ZNF589: variants seen among roughly 807,000 people sequenced by gnomAD.
ZNF589 encodes the protein KRAB-zinc finger protein SZF1-1.
Under a neutral mutation model 13.6 loss-of-function variants are expected in ZNF589, and 17 were observed. The observed-to-expected ratio is 1.25, with a 90% CI of 0.86 to 1.88. The LOEUF is 1.88. ZNF589 is among the 40% of genes most tolerant of loss of function. The pLI is 0.00. For missense variants in ZNF589, 407 were observed against 434.0 expected, an observed-to-expected ratio of 0.94 and a Z score of 0.55; for synonymous variants, 148 against 161.6, an observed-to-expected ratio of 0.92 and a Z score of 0.64.
At chr3:48,243,585 G>GT (rs1022872547) in intron 1 of ZNF589, among the ~76,000 whole-genome samples, 1 of 151,756 alleles carries the variant, frequency 6.6e-6, no homozygotes, top group Non-Finnish European at 1.5e-5. Context: ...GCTGAGGCGG[G>GT]TAGATCACCT....
chr3:48,252,591 T>C (rs2033850927), intron 2 of ZNF589, among the ~76,000 whole-genome samples: 1 of 151,926 alleles, frequency 6.6e-6, no homozygotes, highest in South Asian at 2.1e-4. Flanking sequence ...TTTGAATTTT[T>C]ATATTAGTTT....
rs764544661 is a variant in ZNF589, at chr3:48,268,103, AG to A, written c.418del (p.Ala140LeufsTer25). On this transcript the variant is annotated frameshift_variant, in exon 4 of 4. Transcript: ENST00000354698. LOFTEE classifies it low-confidence loss of function (END_TRUNC). Reference sequence around the variant, plus strand: ...ACAACATCCTTCTGATAAAAATCACAGGGGGGCTGAAGCAGAAGATCAACGA... The same window carrying A: ...ACAACATCCTTCTGATAAAAATCACAGGGGGCTGAAGCAGAAGATCAACGA... ...QSQHPSDKNH[R>X]GAEAEDQRVE... The A allele has an allele frequency of 1.2e-6, 2 of 1,614,064 alleles. No homozygotes were observed. The highest frequency in any genetic ancestry group is 1.7e-6 in the Non-Finnish European group (2 of 1,180,046).
Position 48,268,186 on chromosome 3 carries a change from G to A in ZNF589, c.495G>A (p.Val165=), listed in dbSNP as rs1256458920. The A allele has an allele frequency of 4.3e-6, 7 of 1,611,544 alleles. No individual in the cohort carries two copies. The highest frequency in any genetic ancestry group is 1.6e-4 in the Middle Eastern group (1 of 6,072). The part of the protein sequence containing the change: ...FWSTNERGAL[V]GFSSLFQRPP... ...GTACAAATGAAAGGGGGGCTTTAGT[G>A]GGTTTCTCTAGCCTGTTCCAGAGAC... is the stretch of plus-strand genomic sequence containing the variant. The change falls in exon 4 of 4, where the codon GTG becomes GTA. Residue 165 remains valine (V), a synonymous_variant. Coordinates refer to ENST00000354698, the MANE Select transcript of ZNF589 (RefSeq NM_016089.3).
Position 48,269,977 on chromosome 3 carries a change from C to G in ZNF589, c.*1191C>G, listed in dbSNP as rs539858328. On this transcript the variant is annotated 3_prime_UTR_variant, in exon 4 of 4. Transcript: ENST00000354698. ...GAGCTTTGGGGACAGTCTTTTGACC[C>G]CTTACATTCCTTTAGATGTGAAGAT... 8.8e-6 allele frequency: 4 copies of G among 454,880 alleles called. No individual in the cohort carries two copies. Among genetic ancestry groups the G allele is most frequent in the African/African-American group, 4.0e-5 (2 of 50,076 alleles). 28.2% of individuals were successfully genotyped at this position (454,880 alleles called of 1,614,324 possible).
intron 1 of ZNF589, among the ~76,000 whole-genome samples, chr3:48,243,611 A>G (rs2033727515): frequency 6.6e-6 from 1 of 152,070 alleles, no homozygotes. Context: ...CAGGAGTTCG[A>G]GACCAGCCTG....
In ZNF589 at chr3:48,265,710, C is replaced by T. The variant is rs1470194571; in HGVS notation, c.224-2205C>T. Among the ~76,000 whole-genome samples the T allele has an allele frequency of 9.2e-5, 14 of 152,250 alleles. No homozygotes were observed. In the East Asian group the frequency reaches 2.1e-3, roughly 23 times the overall value. On this transcript the variant is annotated intron_variant, in intron 3 of 3. Coordinates refer to ENST00000354698, the MANE Select transcript of ZNF589 (RefSeq NM_016089.3). ...CCTTCCTACTATTTAGTAGTTCTCC[C>T]TGTGAACTATTCACTAAAGTTTCTT...
At chr3:48,255,023 G>A (rs2033882345) in intron 2 of ZNF589, among the ~76,000 whole-genome samples, 1 of 151,968 alleles carries the variant, frequency 6.6e-6, no homozygotes, top group Admixed American at 6.5e-5. Context: ...GAACAGGAGT[G>A]GTGAGAGAAG....
Position 48,268,940 on chromosome 3 carries a change from G to C in ZNF589, c.*154G>C. 1 of 1,113,562 alleles carries C rather than the reference G, an allele frequency of 9.0e-7. No individual in the cohort carries two copies. 69.0% of individuals were successfully genotyped at this position (1,113,562 alleles called of 1,614,324 possible). A position where few individuals can be genotyped will look rare whatever the true frequency, so the allele number is the denominator to read the frequency against. ...GACACATTCAGAGGTGAAACCTCAC[G>C]TGTGTGAGGAGTGTGGGCATGGATT... On this transcript the variant is annotated 3_prime_UTR_variant, in exon 4 of 4. Transcript: ENST00000354698.
chr3:48,267,727 G>A (rs889100487), intron 3 of ZNF589, among the ~76,000 whole-genome samples, 188 bp from the exon 4 acceptor site: 2 of 152,154 alleles, frequency 1.3e-5, no homozygotes, highest in African/African-American at 4.8e-5. Flanking sequence ...CAACTTTTCT[G>A]TATATTTGAA....
rs978200254 is a variant in ZNF589 at position 48,270,059 on chromosome 3, T to C, written c.*1273T>C. On this transcript the variant is annotated 3_prime_UTR_variant, in exon 4 of 4. Transcript: ENST00000354698. Reference sequence around the variant, plus strand: ...TCAAGTGACGGTCCCCTTGGAGGAATGGTCTTTGCATCTGACTACTTCCTT... The same window carrying C: ...TCAAGTGACGGTCCCCTTGGAGGAACGGTCTTTGCATCTGACTACTTCCTT... 2.2e-6 allele frequency: 1 copy of C among 457,198 alleles called. No individual in the cohort carries two copies. Among genetic ancestry groups the C allele is most frequent in the African/African-American group, 2.0e-5 (1 of 50,072 alleles). The allele number at this position is 457,198 out of a possible 1,614,324, so 28.3% of individuals were successfully genotyped here.
At chr3:48,265,050 C>T (rs1278596240) in intron 3 of ZNF589, among the ~76,000 whole-genome samples, 7 of 151,870 alleles carry the variant, frequency 4.6e-5, no homozygotes, top group South Asian at 2.1e-4. Context: ...CTGCTCACTG[C>T]AACCTCCGCC....
At chr3:48,264,337 G>C (rs924415633) in intron 3 of ZNF589, among the ~76,000 whole-genome samples, 2 of 151,574 alleles carry the variant, frequency 1.3e-5, no homozygotes, top group African/African-American at 4.9e-5. Context: ...TTTCGAGACC[G>C]GCATGACCAA....
At chr3:48,252,188 T>C (rs920423905) in intron 2 of ZNF589, among the ~76,000 whole-genome samples, 1 of 151,826 alleles carries the variant, frequency 6.6e-6, no homozygotes, top group Non-Finnish European at 1.5e-5. Flanking sequence ...TTAAATTTTA[T>C]TATTATTATT....
intron 2 of ZNF589, among the ~76,000 whole-genome samples, chr3:48,258,119 T>C (rs1209719326): frequency 1.3e-5 from 2 of 152,180 alleles, no homozygotes; most frequent in African/African-American, 4.8e-5. Flanking sequence ...TTGGGGAAGA[T>C]TGACATCTTT....
intron 2 of ZNF589, among the ~76,000 whole-genome samples, chr3:48,248,211 T>C (rs1182208477): frequency 6.6e-6 from 1 of 152,182 alleles, no homozygotes; most frequent in Non-Finnish European, 1.5e-5. Flanking sequence ...ATTTAATCCA[T>C]AAATATTTCA....
chr3:48,259,219 A>G (rs1014992236), intron 2 of ZNF589, among the ~76,000 whole-genome samples: 12 of 152,180 alleles, frequency 7.9e-5, no homozygotes, highest in African/African-American at 2.7e-4. Context: ...GCTGCTGGCT[A>G]TAGATGTGAC....
intron 2 of ZNF589, among the ~76,000 whole-genome samples, chr3:48,260,265 G>A (rs967538322): frequency 2.0e-5 from 3 of 152,052 alleles, no homozygotes; most frequent in African/African-American, 7.2e-5. Context: ...AGCCTCCTGG[G>A]TAGCTGGAAC....
chr3:48,242,409 GC>G (rs2033708832), intron 1 of ZNF589, among the ~76,000 whole-genome samples: 1 of 152,092 alleles, frequency 6.6e-6, no homozygotes, highest in South Asian at 2.1e-4. Flanking sequence ...ACCACACCCG[GC>G]CCCAAATGAC....
At position 48,246,543 on chromosome 3, in the gene ZNF589, C is replaced by G. The variant is rs1004849097; in HGVS notation, c.44-1082C>G. 1.3e-5 allele frequency among the ~76,000 whole-genome samples: 2 copies of G among 152,236 alleles called. 1 individual carries two copies. Among genetic ancestry groups the G allele is most frequent in the African/African-American group, 4.8e-5 (2 of 41,466 alleles). ...CAGGCTGGTCTTGAAGCCGTGGATT[C>G]AAGTGATCCTCCCACCTCAGCCTCC... On this transcript the variant is annotated intron_variant, in intron 1 of 3. Coordinates refer to ENST00000354698, the MANE Select transcript of ZNF589 (RefSeq NM_016089.3).
Sources: gnomAD v4.1 joint callset for allele counts (sites outside exome capture counted in the v4.1 genomes callset) on GRCh38, gnomAD v4.1.1 for gene constraint, MANE v1.5 for transcripts, NCBI Gene and HGNC (gene_info 2026-07-23, HGNC 2026-07-21) for gene names.